The following SMAD7 variants were observed in gnomAD, a reference collection of about 807,000 sequenced individuals.
The protein encoded by SMAD7 is SMAD family member 7, also known as MAD (mothers against decapentaplegic, Drosophila) homolog 7.
A neutral mutation model predicts 38.7 loss-of-function variants in SMAD7; 8 were observed. That is an observed-to-expected ratio of 0.21 (90% CI 0.12 to 0.37). SMAD7 has a LOEUF of 0.37. SMAD7 is among the 10% of genes least tolerant of loss of function. The pLI is 1.00. For synonymous variants in SMAD7, 327 were observed against 265.1 expected (o/e 1.23, Z -2.27); for missense variants, 477 against 577.9 (o/e 0.83, Z 1.79).
At chr18:48,947,889 C>A (rs896201642) in intron 2 of SMAD7, among the ~76,000 whole-genome samples, 2 of 123,542 alleles carry the variant, frequency 1.6e-5, no homozygotes, top group Non-Finnish European at 3.3e-5. Flanking sequence ...GCAGGAGGAA[C>A]CTACCCCCCC....
Position 48,950,162 on chromosome 18 carries a change from G to A in SMAD7, c.263C>T (p.Ala88Val). Residue 88 changes from alanine (A) to valine (V), a missense_variant, in exon 1 of 4, where the codon GCC becomes GTC. Around this residue, in one of 2 missense-constraint regions of SMAD7, gnomAD observed 376 missense variants for 379.4 expected, o/e 0.99. Coordinates refer to ENST00000262158, the MANE Select transcript of SMAD7 (RefSeq NM_005904.4). ...CGTGAGCGCCTTCAGATCCGCCTCG[G>A]CGCCCCCGGCCGCGCCGGCGCCCGC... is the stretch of plus-strand genomic sequence containing the variant. ...PAAGAGAAGG[A>V]EADLKALTHS... The A allele has an allele frequency of 2.0e-6, 3 of 1,488,488 alleles. No homozygotes were observed. Among genetic ancestry groups the A allele is most frequent in the Admixed American group, 2.5e-5 (1 of 40,734 alleles). 92.2% of individuals were successfully genotyped at this position (1,488,488 alleles called of 1,614,324 possible).
At chr18:48,945,391 G>A (rs558727780) in intron 2 of SMAD7, among the ~76,000 whole-genome samples, 1 of 152,240 alleles carries the variant, frequency 6.6e-6, no homozygotes, top group East Asian at 1.9e-4. Context: ...GAACCCAGGA[G>A]GTGGAGCTTG....
rs546683459 is a variant in SMAD7 at position 48,947,241 on chromosome 18, G to A, written c.667+1143C>T. The stretch of plus-strand genomic sequence containing the variant: ...AGACCGGCACCAGGCAAGCAGGAAC[G>A]CCTTCCCAACTTGAGGGAGCTGGTA... On this transcript the variant is annotated intron_variant, in intron 2 of 3. Transcript: ENST00000262158. Among the ~76,000 whole-genome samples, 571 of 152,294 alleles carry A rather than the reference G, an allele frequency of 3.7e-3. 2 individuals carry two copies. The highest frequency in any genetic ancestry group is 0.013 in the African/African-American group (535 of 41,554).
At chr18:48,935,573 G>A (rs1384290019) in intron 3 of SMAD7, among the ~76,000 whole-genome samples, 1 of 152,166 alleles carries the variant, frequency 6.6e-6, no homozygotes, top group East Asian at 1.9e-4. Context: ...AGCTTTTGGA[G>A]CCAACCCTGG....
chr18:48,948,611 GC>G, intron 1 of SMAD7, 174 bp from the exon 2 acceptor site: 1 of 447,716 alleles, frequency 2.2e-6, no homozygotes, highest in South Asian at 3.2e-5. Context: ...AACAAAAGAG[GC>G]CGCCTGGCGC....
At chr18:48,939,178 CACACACGCAT>C (rs759399848) in intron 3 of SMAD7, among the ~76,000 whole-genome samples, 147 of 147,374 alleles carry the variant, frequency 1.0e-3, no homozygotes, top group Non-Finnish European at 1.6e-3. Context: ...CCACAACACA[CACACACGCAT>C]ACACACACAA....
Position 48,949,978 on chromosome 18 carries a change from C to T in SMAD7, c.447G>A (p.Pro149=). 3 of 1,597,218 alleles carry T rather than the reference C, an allele frequency of 1.9e-6. No homozygotes were observed. The highest frequency in any genetic ancestry group is 2.6e-6 in the Non-Finnish European group (3 of 1,172,698). ...GAPAGAQPAQ[P]PSSYSLPLLL... ...GGAGGGGGAGCGAGTAGGACGAGGGCGGCTGCGCAGGCTGCGCGCCGGCGG... is the reference window on the plus strand; with the variant it reads ...GGAGGGGGAGCGAGTAGGACGAGGGTGGCTGCGCAGGCTGCGCGCCGGCGG... Residue 149 remains proline, a synonymous_variant, in exon 1 of 4, where the codon CCG becomes CCA. Coordinates refer to ENST00000262158, the MANE Select transcript of SMAD7 (RefSeq NM_005904.4).
rs769950601 is a variant in SMAD7, at chr18:48,950,202, G to T, written c.223C>A (p.Pro75Thr). 4.7e-6 allele frequency: 7 copies of T among 1,493,140 alleles called. No individual in the cohort carries two copies. In the South Asian group the frequency reaches 8.8e-5, roughly 19 times the overall value. The allele number at this position is 1,493,140 out of a possible 1,614,324, so 92.5% of individuals were successfully genotyped here. ...CCGGCGCCCGCGGCTGGCGGGTGGG[G>T]ATGGTGGTGACCTTTGGCACCTCGC... ...AVRGAKGHHH[P>T]HPPAAGAGAA... Residue 75 changes from proline to threonine, a missense_variant, in exon 1 of 4, where the codon CCC (proline) becomes ACC (threonine). By Grantham distance (38) the Pro-to-Thr change is conservative. Transcript: ENST00000262158.
rs78430275 is a variant in SMAD7, at chr18:48,936,523, G to A, written c.742+5958C>T. Among the ~76,000 whole-genome samples, 4 of 152,288 alleles carry A rather than the reference G, an allele frequency of 2.6e-5. No individual in the cohort carries two copies. The East Asian group carries it at 7.7e-4, about 29-fold the overall frequency. On this transcript the variant is annotated intron_variant, in intron 3 of 3. Transcript: ENST00000262158. ...ATTCATGACAGCAAAGCAAAACAGT[G>A]GACCATGTATAGTTAATAATAGTTT...
At chr18:48,933,279 G>A (rs541203775) in intron 3 of SMAD7, among the ~76,000 whole-genome samples, 5 of 152,124 alleles carry the variant, frequency 3.3e-5, no homozygotes, top group East Asian at 3.9e-4. Context: ...CTTCATGGAG[G>A]GACCAGGCTC....
chr18:48,930,033 A>G (rs1262491375), intron 3 of SMAD7: 1 of 152,082 alleles, frequency 6.6e-6, no homozygotes, highest in South Asian at 2.1e-4. Flanking sequence ...CCGGCCAATA[A>G]ATTCCAATGC....
Position 48,950,053 on chromosome 18 carries a change from C to G in SMAD7, c.372G>C (p.Ala124=). The stretch of plus-strand genomic sequence containing the variant: ...CCAGGCGGCCGGGCAGCAGGAGGCA[C>G]GCGGTGCGCGTCCCGCCGCGGGACT... The part of the protein sequence containing the change: ...AVESRGGTRT[A]CLLLPGRLDC... Residue 124 remains alanine, a synonymous_variant, in exon 1 of 4, where the codon GCG becomes GCC. Coordinates refer to ENST00000262158, the MANE Select transcript of SMAD7 (RefSeq NM_005904.4). The G allele has an allele frequency of 2.8e-6, 4 of 1,433,200 alleles. No individual in the cohort carries two copies. The highest frequency in any genetic ancestry group is 3.6e-6 in the Non-Finnish European group (4 of 1,096,352). The allele number at this position is 1,433,200 out of a possible 1,614,324, so 88.8% of individuals were successfully genotyped here.
At chr18:48,937,263 C>CGTGT (rs1416134181) in intron 3 of SMAD7, among the ~76,000 whole-genome samples, 747 of 69,104 alleles carry the variant, frequency 0.011, 8 homozygotes, top group African/African-American at 0.04. Context: ...TAAGTAAAGG[C>CGTGT]ATGTGTGTGT....
intron 1 of SMAD7, 42 bp downstream of exon 1, chr18:48,949,770 G>A (rs1432049750): frequency 1.3e-6 from 2 of 1,529,980 alleles, no homozygotes; most frequent in South Asian, 2.5e-5. Flanking sequence ...TTCCAGCACT[G>A]GCGCTCCGGA....
chr18:48,941,583 T>A (rs1052041883), intron 3 of SMAD7, among the ~76,000 whole-genome samples: 3 of 152,198 alleles, frequency 2.0e-5, no homozygotes, highest in Non-Finnish European at 4.4e-5. Context: ...GGCAAGGAAA[T>A]GCCAAATGCC....
chr18:48,942,540 G>C lies in SMAD7; in HGVS notation c.683C>G (p.Ala228Gly). 1 of 1,612,476 alleles carries C rather than the reference G, an allele frequency of 6.2e-7. No homozygotes were observed. Among genetic ancestry groups the C allele is most frequent in the Non-Finnish European group, 8.5e-7 (1 of 1,179,262 alleles). ...CCCTGTTTCAGCGGAGGAAGGCACA[G>C]CATCTGGACAGTCTGCTGTGGATTT... The part of the protein sequence containing the change: ...FLKPTADCPD[A>G]VPSSAETGGT... Residue 228 changes from alanine to glycine, a missense_variant, in exon 3 of 4, where the codon GCT (alanine) becomes GGT (glycine). Coordinates refer to ENST00000262158, the MANE Select transcript of SMAD7 (RefSeq NM_005904.4).
At chr18:48,946,199 T>C (rs879430087) in intron 2 of SMAD7, among the ~76,000 whole-genome samples, 2 of 152,212 alleles carry the variant, frequency 1.3e-5, no homozygotes, top group Non-Finnish European at 2.9e-5. Flanking sequence ...ATTTTAACAG[T>C]TGTCCACTGT....
intron 2 of SMAD7, among the ~76,000 whole-genome samples, chr18:48,947,822 T>C (rs9953366): frequency 0.72 from 108,077 of 150,968 alleles, 39,816 homozygotes; most frequent in African/African-American, 0.89. Flanking sequence ...ACTTTGATAG[T>C]CCCTATGGCG....
At chr18:48,944,556 C>T (rs1030002843) in intron 2 of SMAD7, among the ~76,000 whole-genome samples, 11 of 152,218 alleles carry the variant, frequency 7.2e-5, no homozygotes, top group East Asian at 1.9e-4. Flanking sequence ...TAAACTGAGG[C>T]GTCACTGACT....
Sources: allele counts gnomAD v4.1 joint callset (sites outside exome capture counted in the v4.1 genomes callset), GRCh38; gene constraint gnomAD v4.1.1; regional missense constraint gnomAD v4.1.1; transcripts MANE v1.5; gene names NCBI Gene and HGNC (gene_info 2026-07-23, HGNC 2026-07-21).